The following RABGEF1 variants were observed in gnomAD, a reference collection of about 807,000 sequenced individuals.
The protein encoded by RABGEF1 is rab5 GDP/GTP exchange factor.
Under a neutral mutation model 57.3 loss-of-function variants are expected in RABGEF1, and 26 were observed. The observed-to-expected ratio is 0.45, with a 90% confidence interval of 0.33 to 0.63. RABGEF1 has a LOEUF of 0.63. Among genes scored for constraint, RABGEF1 ranks in the 20% least tolerant of loss-of-function variants. The pLI, the probability that RABGEF1 is intolerant of heterozygous loss-of-function variation, is 0.02. For synonymous variants in RABGEF1, 185 were observed against 210.7 expected (o/e 0.88, Z 1.06); for missense variants, 464 against 607.6 (o/e 0.76, Z 2.48).
chr7:66,800,559 C>T (rs998018938), intron 7 of RABGEF1, among the ~76,000 whole-genome samples: 1 of 152,070 alleles, frequency 6.6e-6, no homozygotes, highest in East Asian at 1.9e-4. Context: ...TAGGCTATGG[C>T]GTAGGTCATG....
chr7:66,702,459 T>G (rs148910810), intron 1 of RABGEF1, among the ~76,000 whole-genome samples: 1 of 151,900 alleles, frequency 6.6e-6, no homozygotes, highest in African/African-American at 2.4e-5. Context: ...CTACAAGTTT[T>G]TGTGTGAACT....
chr7:66,796,107 A>C (rs1164949397), intron 5 of RABGEF1, among the ~76,000 whole-genome samples: 3 of 152,240 alleles, frequency 2.0e-5, no homozygotes, highest in Non-Finnish European at 2.9e-5. Context: ...ACTGCACTCC[A>C]GCCTGGGCAA....
intron 4 of RABGEF1, among the ~76,000 whole-genome samples, chr7:66,786,322 C>T (rs1323074936): frequency 2.6e-5 from 4 of 152,230 alleles, no homozygotes; most frequent in Admixed American, 6.5e-5. Flanking sequence ...AATTTCAGCA[C>T]CTACGTAATT....
chr7:66,682,849 C>A (rs1789987816), intron 1 of RABGEF1, among the ~76,000 whole-genome samples: 1 of 152,210 alleles, frequency 6.6e-6, no homozygotes, highest in African/African-American at 2.4e-5. Context: ...GAGCAGAAGT[C>A]CCTATTTCCG....
the RABGEF1 span, among the ~76,000 whole-genome samples, chr7:66,660,149 CATCCTGGCTA>C: frequency 1.3e-5 from 2 of 151,502 alleles, no homozygotes; most frequent in East Asian, 3.9e-4. Context: ...AGATCGAGAC[CATCCTGGCTA>C]ACACGGTGAA....
At chr7:66,655,288 C>T in the RABGEF1 span, among the ~76,000 whole-genome samples, 1 of 152,148 alleles carries the variant, frequency 6.6e-6, no homozygotes, top group Non-Finnish European at 1.5e-5. Context: ...ATGTCCATCA[C>T]GGCAGTTTAG....
In RABGEF1 at chr7:66,797,424, A is replaced by G. The variant is rs2129175753; in HGVS notation, c.646A>G (p.Met216Val). The G allele has an allele frequency of 6.2e-7, 1 of 1,611,788 alleles. No individual in the cohort carries two copies. The highest frequency in any genetic ancestry group is 8.5e-7 in the Non-Finnish European group (1 of 1,179,788). The change falls in exon 6 of 9, where the codon ATG (methionine) becomes GTG (valine). Residue 216 changes from methionine to valine, a missense_variant. By Grantham distance (21) the Met-to-Val change is conservative. This residue lies in a region of RABGEF1 where 284 missense variants were observed against 389.9 expected (regional missense o/e 0.73). Transcript: ENST00000284957. Reference sequence around the variant, plus strand: ...AATGGATCAGATTGAAAAGTACATCATGACTCGTCTCTATAAATATGTATT... The same window carrying G: ...AATGGATCAGATTGAAAAGTACATCGTGACTCGTCTCTATAAATATGTATT... ...KIMDQIEKYI[M>V]TRLYKYVFCP...
rs1332034269 is a variant in RABGEF1, at chr7:66,764,664, G to A, written c.-17-7219G>A. 2.6e-5 allele frequency among the ~76,000 whole-genome samples: 4 copies of A among 152,130 alleles called. No homozygotes were observed. In the East Asian group the frequency reaches 5.8e-4, roughly 22 times the overall value. ...AAGTAAGCATCTAACATCTAACATC[G>A]TTCTTTTGCATGTGGCTATCCAATT... is the stretch of plus-strand genomic sequence containing the variant. On this transcript the variant is annotated intron_variant, in intron 1 of 8. Transcript: ENST00000284957.
chr7:66,741,252 C>T (rs1243666575), intron 1 of RABGEF1, among the ~76,000 whole-genome samples: 1 of 152,212 alleles, frequency 6.6e-6, no homozygotes, highest in Non-Finnish European at 1.5e-5. Flanking sequence ...GACCACAGCC[C>T]CCGGCCGCGG....
the RABGEF1 span, among the ~76,000 whole-genome samples, chr7:66,674,549 A>T: frequency 6.6e-6 from 1 of 152,144 alleles, no homozygotes; most frequent in East Asian, 1.9e-4. Context: ...AACTGGAAAC[A>T]ACCCGAATGT....
Position 66,690,777 on chromosome 7 carries a change from G to T in RABGEF1, c.-873+8519G>T, listed in dbSNP as rs1224067030. Among the ~76,000 whole-genome samples the T allele has an allele frequency of 2.6e-5, 4 of 151,678 alleles. No homozygotes were observed. The South Asian group carries it at 8.3e-4, about 32-fold the overall frequency. ...AGAAAACACTGCCAAATTGAACTTA[G>T]AATGTTATTAAAAGGATTGTATAAG... On this transcript the variant is annotated intron_variant and NMD_transcript_variant, in intron 1 of 9. Transcript: ENST00000607882.
intron 1 of RABGEF1, among the ~76,000 whole-genome samples, chr7:66,744,914 C>T (rs1221792390): frequency 1.3e-5 from 2 of 151,888 alleles, no homozygotes; most frequent in Non-Finnish European, 2.9e-5. Context: ...TGTTATCAGC[C>T]GCACACGGTG....
intron 1 of RABGEF1, among the ~76,000 whole-genome samples, chr7:66,741,786 C>T (rs560246736): frequency 1.6e-4 from 25 of 152,286 alleles, no homozygotes; most frequent in African/African-American, 6.0e-4. Context: ...CCCGCCTCGG[C>T]CTCCCAGAGT....
intron 3 of RABGEF1, among the ~76,000 whole-genome samples, chr7:66,776,316 C>T (rs1237243647): frequency 6.6e-6 from 1 of 152,166 alleles, no homozygotes; most frequent in African/African-American, 2.4e-5. Flanking sequence ...TGCTGGTCTT[C>T]TAGGTTTTGT....
At chr7:66,788,570 T>G (rs1166935223) in intron 4 of RABGEF1, among the ~76,000 whole-genome samples, 1 of 152,242 alleles carries the variant, frequency 6.6e-6, no homozygotes, top group East Asian at 1.9e-4. Context: ...CAATTCAGTT[T>G]CTAAAAGACT....
intron 1 of RABGEF1, among the ~76,000 whole-genome samples, chr7:66,757,251 GAT>G (rs1195328465): frequency 6.6e-6 from 1 of 151,980 alleles, no homozygotes; most frequent in Non-Finnish European, 1.5e-5. Context: ...TATTATGACT[GAT>G]ATCTTTTTTA....
At chr7:66,791,083 G>A (rs950036178) in intron 4 of RABGEF1, among the ~76,000 whole-genome samples, 3 of 152,118 alleles carry the variant, frequency 2.0e-5, no homozygotes, top group Non-Finnish European at 2.9e-5. Flanking sequence ...CATTTCTTAC[G>A]CTAAAAATAA....
Position 66,809,367 on chromosome 7 carries a change from A to G in RABGEF1, c.*83A>G. 1 of 1,413,360 alleles carries G rather than the reference A, an allele frequency of 7.1e-7. No individual in the cohort carries two copies. Among genetic ancestry groups the G allele is most frequent in the Non-Finnish European group, 9.4e-7 (1 of 1,060,372 alleles). The allele number at this position is 1,413,360 out of a possible 1,614,324, so 87.6% of individuals were successfully genotyped here. A position where few individuals can be genotyped will look rare whatever the true frequency, so the allele number is the denominator to read the frequency against. ...CTCAACTGATTGGGATCTAGAATGTAACTAAATTGCTTATAAATGTCAGCA... is the reference window on the plus strand; with the variant it reads ...CTCAACTGATTGGGATCTAGAATGTGACTAAATTGCTTATAAATGTCAGCA... On this transcript the variant is annotated 3_prime_UTR_variant, in exon 9 of 9. Coordinates refer to ENST00000284957, the MANE Select transcript of RABGEF1 (RefSeq NM_014504.3).
intron 1 of RABGEF1, among the ~76,000 whole-genome samples, chr7:66,694,840 A>T (rs1311688514): frequency 4.6e-5 from 7 of 152,284 alleles, no homozygotes; most frequent in East Asian, 1.9e-4. Context: ...AATGAGGGGA[A>T]CAACGGGGCT....
Sources: allele counts gnomAD v4.1 joint callset (sites outside exome capture counted in the v4.1 genomes callset), GRCh38; gene constraint gnomAD v4.1.1; regional missense constraint gnomAD v4.1.1; transcripts MANE v1.5; gene names NCBI Gene and HGNC (gene_info 2026-07-23, HGNC 2026-07-21).